Variants in GMDS observed in about 807,000 individuals in gnomAD.
GMDS encodes the protein GDP-mannose 4,6 dehydratase.
In GMDS, 20 loss-of-function variants were observed where a neutral mutation model predicts 49.9. The observed-to-expected ratio is 0.40, with a 90% CI of 0.28 to 0.58. The LOEUF (loss-of-function observed/expected upper bound fraction) is 0.58, where lower values mean the gene tolerates loss of function less well. Ranked by LOEUF, GMDS falls within the 20% of genes least tolerant of loss-of-function variation. GMDS has a pLI of 0.42. For missense variants in GMDS, 362 were observed against 481.4 expected, an observed-to-expected ratio of 0.75 and a Z score of 2.32; for synonymous variants, 177 against 178.6, an observed-to-expected ratio of 0.99 and a Z score of 0.07.
intron 7 of GMDS, among the ~76,000 whole-genome samples, chr6:1,919,490 TCTGTAAACTGTAC>T (rs1251999271): frequency 6.6e-6 from 1 of 152,244 alleles, no homozygotes; most frequent in Non-Finnish European, 1.5e-5. Context: ...TAATTCGGCT[TCTGTAAACTGTAC>T]CTGTAACTAA....
At chr6:2,238,162 G>C (rs552946243) in intron 1 of GMDS, among the ~76,000 whole-genome samples, 3 of 151,618 alleles carry the variant, frequency 2.0e-5, no homozygotes, top group Admixed American at 6.6e-5. Context: ...CAAGACCAGA[G>C]GATTGCTTGA....
intron 7 of GMDS, among the ~76,000 whole-genome samples, chr6:1,757,662 G>T (rs901136603): frequency 6.6e-6 from 1 of 152,154 alleles, no homozygotes; most frequent in African/African-American, 2.4e-5. Flanking sequence ...CTGATTCTAG[G>T]CCCACTAGGT....
At chr6:1,714,103 C>T (rs577145244) in intron 9 of GMDS, among the ~76,000 whole-genome samples, 14 of 152,258 alleles carry the variant, frequency 9.2e-5, no homozygotes, top group Admixed American at 5.9e-4. Flanking sequence ...CTGCAAGCTC[C>T]GCCTCCTGGA....
intron 4 of GMDS, among the ~76,000 whole-genome samples, chr6:2,075,753 A>G (rs1159259267): frequency 3.9e-5 from 6 of 152,202 alleles, no homozygotes; most frequent in African/African-American, 1.2e-4. Flanking sequence ...ATGATTTATA[A>G]TTCTTTGGGT....
chr6:1,711,222 T>C (rs1186466391), intron 9 of GMDS, among the ~76,000 whole-genome samples: 3 of 152,280 alleles, frequency 2.0e-5, no homozygotes, highest in Non-Finnish European at 4.4e-5. Flanking sequence ...AGGGCACAGC[T>C]GCCCCCACTT....
chr6:2,122,017 T>C (rs751352407), intron 2 of GMDS, among the ~76,000 whole-genome samples: 3 of 152,252 alleles, frequency 2.0e-5, no homozygotes, highest in Non-Finnish European at 4.4e-5. Context: ...TGTTTATCTG[T>C]TCCTGGTTTG....
Position 1,741,178 on chromosome 6 carries a change from T to C in GMDS, c.890+1290A>G, listed in dbSNP as rs140790753. ...CTATCAGCTCATGCACATATTTCTTTCTGGTGACAACATTAAAAATTCTCT... is the reference window on the plus strand; with the variant it reads ...CTATCAGCTCATGCACATATTTCTTCCTGGTGACAACATTAAAAATTCTCT... On this transcript the variant is annotated intron_variant, in intron 8 of 10. Transcript: ENST00000380815. Among the ~76,000 whole-genome samples, 12 of 152,350 alleles carry C rather than the reference T, an allele frequency of 7.9e-5. No homozygotes were observed. In the East Asian group the frequency reaches 2.3e-3, roughly 29 times the overall value.
chr6:2,038,055 G>C (rs986248397), intron 4 of GMDS, among the ~76,000 whole-genome samples: 1 of 152,110 alleles, frequency 6.6e-6, no homozygotes, highest in Admixed American at 6.5e-5. Context: ...AAATAAAGAG[G>C]GTTGGGGGGG....
chr6:1,677,236 T>C (rs1764654550), intron 9 of GMDS, among the ~76,000 whole-genome samples: 1 of 152,098 alleles, frequency 6.6e-6, no homozygotes, highest in Admixed American at 6.6e-5. Flanking sequence ...TGAGATACCA[T>C]CTCACACCAG....
intron 1 of GMDS, among the ~76,000 whole-genome samples, chr6:2,168,587 A>T (rs186223762): frequency 6.6e-6 from 1 of 152,350 alleles, no homozygotes; most frequent in Admixed American, 6.5e-5. Flanking sequence ...CTTCCATTTC[A>T]TAAACCACAA....
At chr6:2,056,659 C>T (rs947564447) in intron 4 of GMDS, among the ~76,000 whole-genome samples, 1 of 152,118 alleles carries the variant, frequency 6.6e-6, no homozygotes, top group Non-Finnish European at 1.5e-5. Context: ...CTCAAAATCT[C>T]CAGGATTAGA....
chr6:1,986,553 A>T (rs1350120797), intron 4 of GMDS, among the ~76,000 whole-genome samples: 1 of 152,208 alleles, frequency 6.6e-6, no homozygotes, highest in Non-Finnish European at 1.5e-5. Flanking sequence ...CTACATTATC[A>T]CAAAGCTGTA....
At chr6:1,924,707 A>G (rs1761905088) in intron 7 of GMDS, among the ~76,000 whole-genome samples, 4 of 152,330 alleles carry the variant, frequency 2.6e-5, no homozygotes, top group Admixed American at 2.6e-4. Context: ...CTGAGAAGTC[A>G]GAGGTTCTCT....
At chr6:1,649,293 G>A (rs554893563) in intron 9 of GMDS, among the ~76,000 whole-genome samples, 14 of 152,224 alleles carry the variant, frequency 9.2e-5, no homozygotes, top group East Asian at 7.7e-4. Flanking sequence ...ACCTCAACCC[G>A]TGTTTCAAGT....
At chr6:1,701,962 C>T (rs1029129038) in intron 9 of GMDS, among the ~76,000 whole-genome samples, 4 of 152,212 alleles carry the variant, frequency 2.6e-5, no homozygotes, top group African/African-American at 7.2e-5. Flanking sequence ...TACAGGCAGA[C>T]ATGATGTTAT....
chr6:1,868,599 T>C (rs1037474045), intron 7 of GMDS, among the ~76,000 whole-genome samples: 1 of 152,242 alleles, frequency 6.6e-6, no homozygotes, highest in Non-Finnish European at 1.5e-5. Flanking sequence ...TTTAGTATTC[T>C]TTAAGAATTT....
At chr6:1,742,059 T>C (rs1767293485) in intron 8 of GMDS, among the ~76,000 whole-genome samples, 1 of 151,406 alleles carries the variant, frequency 6.6e-6, no homozygotes, top group South Asian at 2.1e-4. Flanking sequence ...GTAGCTGGGA[T>C]AACAGGCGCG....
At chr6:1,629,868 C>A (rs1226421431) in intron 9 of GMDS, among the ~76,000 whole-genome samples, 5 of 152,226 alleles carry the variant, frequency 3.3e-5, no homozygotes, top group African/African-American at 1.2e-4. Flanking sequence ...ATGCATCCAT[C>A]CGTATGCATG....
intron 6 of GMDS, among the ~76,000 whole-genome samples, chr6:1,953,803 T>G (rs941060514): frequency 1.3e-5 from 2 of 152,198 alleles, no homozygotes; most frequent in Non-Finnish European, 2.9e-5. Context: ...ACTAATATAC[T>G]TATTTATGAA....
Sources: gnomAD v4.1 joint callset for allele counts (sites outside exome capture counted in the v4.1 genomes callset) on GRCh38, gnomAD v4.1.1 for gene constraint, MANE v1.5 for transcripts, NCBI Gene and HGNC (gene_info 2026-07-23, HGNC 2026-07-21) for gene names.